Variants in ULK2 observed in about 807,000 individuals in gnomAD.
ULK2 encodes serine/threonine-protein kinase ULK2.
A neutral mutation model predicts 127.5 loss-of-function variants in ULK2; 76 were observed. The observed-to-expected ratio is 0.60, with a 90% confidence interval of 0.50 to 0.72. The LOEUF (loss-of-function observed/expected upper bound fraction) is 0.72. ULK2 is among the 30% of genes least tolerant of loss of function. The probability of loss-of-function intolerance (pLI) is 0.00; values close to 1 mark genes in which losing one functional copy is unlikely to be tolerated. For missense variants in ULK2, 1,144 were observed against 1,295.9 expected (o/e 0.88, Z 1.80); for synonymous variants, 452 against 461.9 (o/e 0.98, Z 0.28).
chr17:19,828,474 G>T (rs1229027699), intron 10 of ULK2, among the ~76,000 whole-genome samples: 53 of 152,120 alleles, frequency 3.5e-4, no homozygotes, highest in Admixed American at 3.5e-3. Flanking sequence ...CAACATAAAG[G>T]GGGTATAAAG....
At position 19,867,378 on chromosome 17, in the gene ULK2, G is replaced by A. The variant is rs1445241249; in HGVS notation, c.40C>T (p.Leu14Phe). The change falls in exon 1 of 27, where the codon CTC becomes TTC. Residue 14 changes from leucine to phenylalanine, a missense_variant. Transcript: ENST00000395544. Reference sequence around the variant, plus strand: ...ACGGCGAAGGCCCCGTGTCCCACGAGATCCCTCTTGCTGTACTCGAAGTCA... The same window carrying A: ...ACGGCGAAGGCCCCGTGTCCCACGAAATCCCTCTTGCTGTACTCGAAGTCA... ...VGDFEYSKRD[L>F]VGHGAFAVVF... 4 of 1,603,642 alleles carry A rather than the reference G, an allele frequency of 2.5e-6. No individual in the cohort carries two copies. The highest frequency in any genetic ancestry group is 2.3e-5 in the East Asian group (1 of 43,934).
At position 19,841,560 on chromosome 17, in the gene ULK2, A is replaced by C. The variant is rs2041757255; in HGVS notation, c.646-13T>G. 1 of 1,566,468 alleles carries C rather than the reference A, an allele frequency of 6.4e-7. No individual in the cohort carries two copies. Among genetic ancestry groups the C allele is most frequent in the African/African-American group, 1.4e-5 (1 of 71,626 alleles). ...GAGGACTATTGGCCTATTAAAAAAA[A>C]AAAGGTTTAATTTCCTAAACAATGG... On this transcript the variant is annotated splice_polypyrimidine_tract_variant and intron_variant, in intron 8 of 26. Transcript: ENST00000395544.
intron 10 of ULK2, among the ~76,000 whole-genome samples, chr17:19,835,241 C>T (rs2152395321): frequency 6.6e-6 from 1 of 150,860 alleles, no homozygotes; most frequent in Admixed American, 6.6e-5. Context: ...GCTCCGCCTC[C>T]CAGGTTCACA....
intron 12 of ULK2, among the ~76,000 whole-genome samples, chr17:19,824,739 G>T (rs117388133): frequency 6.6e-6 from 1 of 152,010 alleles, no homozygotes; most frequent in Non-Finnish European, 1.5e-5. Flanking sequence ...TCATGTCTAC[G>T]GCATTCAGAT....
rs965977742 is a variant in ULK2 at position 19,867,906 on chromosome 17, C to T, written c.-489G>A. 1 of 151,066 alleles carries T rather than the reference C, an allele frequency of 6.6e-6. No individual in the cohort carries two copies. The highest frequency in any genetic ancestry group is 2.4e-5 in the African/African-American group (1 of 41,312). 9.4% of individuals were successfully genotyped at this position (151,066 alleles called of 1,614,324 possible). On this transcript the variant is annotated 5_prime_UTR_variant, in exon 1 of 27. Coordinates refer to ENST00000395544, the MANE Select transcript of ULK2 (RefSeq NM_014683.4). ...CCCGCCTCGCGGCGGCGCCCAACGC[C>T]CTCGCGCGCGCTACCCGCTCCCGCG...
intron 21 of ULK2, among the ~76,000 whole-genome samples, chr17:19,785,244 G>A (rs528171600): frequency 3.3e-5 from 5 of 151,816 alleles, no homozygotes; most frequent in Admixed American, 6.6e-5. Context: ...ACAGAGTTTC[G>A]CTCGTTACCC....
chr17:19,847,071 A>G (rs2041901873), intron 5 of ULK2, among the ~76,000 whole-genome samples, 161 bp from the exon 6 acceptor site: 1 of 152,174 alleles, frequency 6.6e-6, no homozygotes, highest in Admixed American at 6.6e-5. Flanking sequence ...AAGACTATGA[A>G]GAGATATCAG....
chr17:19,801,505 T>C (rs1310506069), intron 16 of ULK2, among the ~76,000 whole-genome samples: 1 of 152,124 alleles, frequency 6.6e-6, no homozygotes, highest in African/African-American at 2.4e-5. Context: ...CCTTTGAACC[T>C]GGGAAGCAGA....
At chr17:19,814,735 A>C (rs1261760445) in intron 13 of ULK2, among the ~76,000 whole-genome samples, 2 of 151,992 alleles carry the variant, frequency 1.3e-5, no homozygotes, top group Non-Finnish European at 2.9e-5. Context: ...CTGTAGAGAA[A>C]GAATCTCACT....
At chr17:19,815,789 G>C (rs1451792674) in intron 13 of ULK2, among the ~76,000 whole-genome samples, 1 of 151,870 alleles carries the variant, frequency 6.6e-6, no homozygotes, top group Non-Finnish European at 1.5e-5. Flanking sequence ...CACCAACATG[G>C]CACATGTATA....
At chr17:19,822,663 C>T (rs897707317) in intron 12 of ULK2, among the ~76,000 whole-genome samples, 1 of 151,450 alleles carries the variant, frequency 6.6e-6, no homozygotes, top group Non-Finnish European at 1.5e-5. Flanking sequence ...CCACCACACC[C>T]GGCCCGTTTA....
chr17:19,809,623 CTCAGGAGGCTGAG>C (rs1421114081), intron 14 of ULK2, among the ~76,000 whole-genome samples: 1 of 150,836 alleles, frequency 6.6e-6, no homozygotes, highest in African/African-American at 2.4e-5. Context: ...ATCCCATCTA[CTCAGGAGGCTGAG>C]GCAGGAGAAT....
chr17:19,840,569 A>T (rs894672496), intron 9 of ULK2: 10 of 133,134 alleles, frequency 7.5e-5, no homozygotes, highest in Non-Finnish European at 4.7e-5. Context: ...TTAATCATTT[A>T]AAAAAAAAAA....
intron 10 of ULK2, among the ~76,000 whole-genome samples, chr17:19,828,526 T>A (rs1197684652): frequency 1.3e-5 from 2 of 152,162 alleles, no homozygotes; most frequent in African/African-American, 4.8e-5. Flanking sequence ...AAAGTTAATA[T>A]GAATTCAGTA....
At chr17:19,863,501 T>G (rs539848306) in intron 3 of ULK2, among the ~76,000 whole-genome samples, 1,779 of 150,942 alleles carry the variant, frequency 0.012, 28 homozygotes, top group African/African-American at 0.041. Flanking sequence ...TTCTAGTTTT[T>G]TTTTTTTTTT....
chr17:19,863,241 T>C (rs2042280486), intron 3 of ULK2, among the ~76,000 whole-genome samples: 1 of 150,858 alleles, frequency 6.6e-6, no homozygotes, highest in Admixed American at 6.6e-5. Context: ...GTCAAATGAA[T>C]GAATTTGAGT....
In ULK2 at chr17:19,816,885, G is replaced by C. The variant is rs1450910705; in HGVS notation, c.960C>G (p.Asn320Lys). The C allele has an allele frequency of 1.9e-6, 3 of 1,608,952 alleles. No homozygotes were observed. The highest frequency in any genetic ancestry group is 3.4e-5 in the Admixed American group (2 of 58,350). ...GAGGACCCAATGGTGGGGAAGATAA[G>C]TTTTCTTCCTGAATATGCTGCATAT... is the stretch of plus-strand genomic sequence containing the variant. ...LPDMQHIQEE[N>K]LSSPPLGPPN... The change falls in exon 13 of 27, where the codon AAC becomes AAG. Residue 320 changes from asparagine to lysine, a missense_variant. Around this residue, in one of 2 missense-constraint regions of ULK2, gnomAD observed 913 missense variants for 970.5 expected, o/e 0.94. Coordinates refer to ENST00000395544, the MANE Select transcript of ULK2 (RefSeq NM_014683.4).
chr17:19,838,587 G>C lies in ULK2; in HGVS notation c.705-4C>G, dbSNP rs992512570. On this transcript the variant is annotated splice_polypyrimidine_tract_variant and splice_region_variant and intron_variant, in intron 9 of 26. Coordinates refer to ENST00000395544, the MANE Select transcript of ULK2 (RefSeq NM_014683.4). ...AGGTGATGTTTCTCTGGGAATACTG[G>C]GGGAAAGGAAAAACACAACCACCTA... The C allele has an allele frequency of 4.3e-6, 7 of 1,610,810 alleles. No homozygotes were observed. In the African/African-American group the frequency reaches 6.7e-5, roughly 15 times the overall value.
At chr17:19,840,939 C>A (rs758945292) in intron 9 of ULK2, among the ~76,000 whole-genome samples, 3 of 152,042 alleles carry the variant, frequency 2.0e-5, no homozygotes, top group Non-Finnish European at 2.9e-5. Context: ...TGCGGAACAT[C>A]ATCTGTGATG....
Sources: gnomAD v4.1 joint callset for allele counts (sites outside exome capture counted in the v4.1 genomes callset) on GRCh38, gnomAD v4.1.1 for gene constraint, gnomAD v4.1.1 regional missense constraint, MANE v1.5 for transcripts, NCBI Gene and HGNC (gene_info 2026-07-23, HGNC 2026-07-21) for gene names.